The following RYR3 variants were observed in gnomAD, a reference collection of about 807,000 sequenced individuals.
RYR3 encodes brain ryanodine receptor-calcium release channel.
RYR3 carries 207 observed loss-of-function variants against 584.3 expected under a neutral mutation model. The observed-to-expected ratio is 0.35, with a 90% CI of 0.32 to 0.40. The LOEUF (loss-of-function observed/expected upper bound fraction) is 0.40. Among genes scored for constraint, RYR3 ranks in the 10% least tolerant of loss-of-function variants. The pLI is 1.00. For missense variants in RYR3, 5,616 were observed against 6,089.2 expected, an observed-to-expected ratio of 0.92 and a Z score of 2.59; for synonymous variants, 2,416 against 2,248.5, an observed-to-expected ratio of 1.07 and a Z score of -2.11.
chr15:33,714,290 A>G (rs2067329655), intron 43 of RYR3, among the ~76,000 whole-genome samples: 1 of 152,348 alleles, frequency 6.6e-6, no homozygotes, highest in Middle Eastern at 3.4e-3. Context: ...AGCTTTTAAT[A>G]TATCAAAATA....
intron 3 of RYR3, among the ~76,000 whole-genome samples, chr15:33,521,618 G>A (rs117246922): frequency 0.026 from 3,921 of 152,264 alleles, 63 homozygotes; most frequent in Non-Finnish European, 0.041. Flanking sequence ...TCTGTGCACT[G>A]CTTTTCAAGT....
intron 1 of RYR3, among the ~76,000 whole-genome samples, chr15:33,336,771 C>G (rs776865774): frequency 4.6e-5 from 7 of 151,748 alleles, no homozygotes; most frequent in Non-Finnish European, 8.8e-5. Context: ...GTTTCTAAAA[C>G]TCTGGCCGGG....
intron 1 of RYR3, among the ~76,000 whole-genome samples, chr15:33,355,445 AT>A (rs1371927416): frequency 2.0e-5 from 3 of 152,124 alleles, no homozygotes; most frequent in Non-Finnish European, 4.4e-5. Context: ...GATGTATGTT[AT>A]TTTTCCTACT....
chr15:33,482,147 A>G (rs1035988010), intron 2 of RYR3, among the ~76,000 whole-genome samples: 1 of 152,074 alleles, frequency 6.6e-6, no homozygotes, highest in Non-Finnish European at 1.5e-5. Context: ...AAACTCTCCA[A>G]GCTTCTTTTT....
At chr15:33,796,839 T>G (rs934498168) in intron 67 of RYR3, among the ~76,000 whole-genome samples, 1 of 152,240 alleles carries the variant, frequency 6.6e-6, no homozygotes, top group Non-Finnish European at 1.5e-5. Context: ...AGCAAAGATA[T>G]GCCATCAACC....
intron 27 of RYR3, among the ~76,000 whole-genome samples, chr15:33,642,018 G>A (rs770164480): frequency 3.3e-5 from 5 of 152,202 alleles, no homozygotes; most frequent in Admixed American, 6.5e-5. Context: ...TGCCCTTCCC[G>A]TGACTGTGGT....
chr15:33,631,489 C>T (rs2291730), intron 23 of RYR3, among the ~76,000 whole-genome samples, 196 bp downstream of exon 23: 24,578 of 152,034 alleles, frequency 0.16, 2,270 homozygotes, highest in African/African-American at 0.23. Context: ...TTTTCCCTCT[C>T]TTTGCCCCTT....
chr15:33,721,741 C>G (rs1247886128), intron 43 of RYR3, among the ~76,000 whole-genome samples: 3 of 151,984 alleles, frequency 2.0e-5, no homozygotes, highest in African/African-American at 7.3e-5. Flanking sequence ...TTCTCAGATA[C>G]AAATTAGGAT....
At chr15:33,839,588 G>A (rs1221166968) in intron 89 of RYR3, 2 of 152,250 alleles carry the variant, frequency 1.3e-5, no homozygotes, top group Non-Finnish European at 2.9e-5. Flanking sequence ...AGAGAAGTGT[G>A]AAAAGATCCA....
chr15:33,791,965 G>A (rs1464823753), intron 67 of RYR3, among the ~76,000 whole-genome samples: 2 of 152,100 alleles, frequency 1.3e-5, no homozygotes, highest in East Asian at 1.9e-4. Context: ...AGGGGATTAG[G>A]GGAGGTTGCA....
At position 33,533,347 on chromosome 15, in the gene RYR3, G is replaced by A. The variant is rs745791768; in HGVS notation, c.391G>A (p.Asp131Asn). 4 of 1,608,970 alleles carry A rather than the reference G, an allele frequency of 2.5e-6. No homozygotes were observed. The highest frequency in any genetic ancestry group is 1.3e-5 in the African/African-American group (1 of 74,978). Reference protein sequence around the residue: ...TCLTTSRSQTDKLAFDVGLRE... With the variant: ...TCLTTSRSQTNKLAFDVGLRE... The stretch of plus-strand genomic sequence containing the variant: ...CTTGACTACATCAAGATCCCAGACA[G>A]ACAAACTTGCCTTTGATGTAGGTCT... Residue 131 changes from aspartate to asparagine, a missense_variant, in exon 5 of 104, where the codon GAC becomes AAC. Physicochemically the swap from Asp to Asn is conservative, Grantham distance 23. Around this residue, in one of 9 missense-constraint regions of RYR3, gnomAD observed 1,284 missense variants for 1,344.6 expected, o/e 0.95. Coordinates refer to ENST00000634891, the MANE Select transcript of RYR3 (RefSeq NM_001036.6).
intron 7 of RYR3, among the ~76,000 whole-genome samples, chr15:33,542,566 C>T (rs547449686): frequency 6.6e-6 from 1 of 152,172 alleles, no homozygotes; most frequent in African/African-American, 2.4e-5. Flanking sequence ...GAAAAACTTG[C>T]CTTGTCTAGG....
chr15:33,533,273 A>C, intron 4 of RYR3, 38 bp from the exon 5 acceptor site: 8 of 1,399,972 alleles, frequency 5.7e-6, no homozygotes, highest in East Asian at 2.4e-5. Context: ...ACTCAATGGA[A>C]GAGTGTGACT....
At chr15:33,319,375 T>G (rs1968640293) in intron 1 of RYR3, among the ~76,000 whole-genome samples, 1 of 152,186 alleles carries the variant, frequency 6.6e-6, no homozygotes, top group Non-Finnish European at 1.5e-5. Flanking sequence ...TGGAGTAGCA[T>G]AAGCCCCTCC....
At chr15:33,637,733 T>A (rs540110825) in intron 27 of RYR3, among the ~76,000 whole-genome samples, 1 of 152,346 alleles carries the variant, frequency 6.6e-6, no homozygotes, top group South Asian at 2.1e-4. Flanking sequence ...TATAAATGAC[T>A]TTTGCACTTT....
chr15:33,441,818 T>C (rs1285384834), intron 1 of RYR3, among the ~76,000 whole-genome samples: 1 of 152,206 alleles, frequency 6.6e-6, no homozygotes, highest in Non-Finnish European at 1.5e-5. Flanking sequence ...GATCCTTACA[T>C]GGTTGCTGTA....
chr15:33,525,180 A>C (rs1422237531), intron 3 of RYR3, among the ~76,000 whole-genome samples: 1 of 152,208 alleles, frequency 6.6e-6, no homozygotes, highest in African/African-American at 2.4e-5. Flanking sequence ...TCCGCATCTC[A>C]CAGAGACTTG....
At position 33,662,928 on chromosome 15, in the gene RYR3, C is replaced by T; in HGVS notation, c.5398C>T (p.Pro1800Ser). 6.2e-7 allele frequency: 1 copy of T among 1,612,448 alleles called. No individual in the cohort carries two copies. Among genetic ancestry groups the T allele is most frequent in the Admixed American group, 1.7e-5 (1 of 60,012 alleles). The change falls in exon 35 of 104, where the codon CCC becomes TCC. Residue 1800 changes from proline (P) to serine (S), a missense_variant. Pro to Ser is a moderately conservative substitution (Grantham distance 74). This residue lies in a region of RYR3 where 753 missense variants were observed against 741.0 expected (regional missense o/e 1.02). Transcript: ENST00000634891. ...PVKGLLQTRL[P>S]ESVKLQMCEL... ...CAAAGGCTTGTTGCAGACTCGATTA[C>T]CCGAATCCGTCAAGCTGCAGGTAAG...
In RYR3 at chr15:33,726,482, T is replaced by C; in HGVS notation, c.7009T>C (p.Leu2337=). 6.2e-7 allele frequency: 1 copy of C among 1,601,608 alleles called. No individual in the cohort carries two copies. Among genetic ancestry groups the C allele is most frequent in the Middle Eastern group, 1.7e-4 (1 of 6,044 alleles). The change falls in exon 46 of 104, where the codon TTG becomes CTG. Residue 2337 remains leucine, a synonymous_variant. Transcript: ENST00000634891. ...EDLVGIISIP[L]KLPSLNKDGS... ...CCTGGTTGGGATCATCAGCATCCCC[T>C]TGAAACTGCCCTCCCTCAACAAAGG...
Sources: allele counts gnomAD v4.1 joint callset (sites outside exome capture counted in the v4.1 genomes callset), GRCh38; gene constraint gnomAD v4.1.1; regional missense constraint gnomAD v4.1.1; transcripts MANE v1.5; gene names NCBI Gene and HGNC (gene_info 2026-07-23, HGNC 2026-07-21).